Variants in TNS3 observed in about 807,000 individuals in gnomAD.
TNS3 encodes tensin-3.
A neutral mutation model predicts 140.9 loss-of-function variants in TNS3; 45 were observed. That is an observed-to-expected ratio of 0.32 (90% CI 0.25 to 0.41). The LOEUF is 0.41. TNS3 is among the 10% of genes least tolerant of loss of function. TNS3 has a pLI of 1.00. For synonymous variants in TNS3, 815 were observed against 788.4 expected (o/e 1.03, Z -0.56); for missense variants, 1,716 against 1,906.7 (o/e 0.90, Z 1.86).
chr7:47,349,335 A>T (rs755530798), intron 17 of TNS3, among the ~76,000 whole-genome samples: 1 of 152,258 alleles, frequency 6.6e-6, no homozygotes, highest in South Asian at 2.1e-4. Context: ...GTGTGGCACC[A>T]TGTCTGGTTA....
At chr7:47,348,068 T>G (rs1374628717) in intron 17 of TNS3, among the ~76,000 whole-genome samples, 4 of 152,230 alleles carry the variant, frequency 2.6e-5, no homozygotes, top group African/African-American at 9.6e-5. Context: ...CTCACTCCAG[T>G]GCTCTTCAAC....
At chr7:47,570,683 T>C (rs1363961060) in intron 1 of TNS3, among the ~76,000 whole-genome samples, 1 of 152,226 alleles carries the variant, frequency 6.6e-6, no homozygotes, top group Non-Finnish European at 1.5e-5. Flanking sequence ...CATAGTGAAG[T>C]GTGCCCAGTG....
At chr7:47,392,025 G>A (rs770951639) in intron 16 of TNS3, among the ~76,000 whole-genome samples, 4 of 152,196 alleles carry the variant, frequency 2.6e-5, no homozygotes, top group Non-Finnish European at 5.9e-5. Flanking sequence ...ATTTCTCTTT[G>A]GATCTGCTCT....
At chr7:47,410,427 T>C (rs1793703183) in intron 13 of TNS3, among the ~76,000 whole-genome samples, 1 of 152,240 alleles carries the variant, frequency 6.6e-6, no homozygotes. Flanking sequence ...GGCCCAGCTG[T>C]TGTTCCAGAC....
chr7:47,293,054 G>C, intron 25 of TNS3, 149 bp from the exon 26 acceptor site: 1 of 627,736 alleles, frequency 1.6e-6, no homozygotes, highest in Non-Finnish European at 2.8e-6. Flanking sequence ...GCAGCTTTGT[G>C]TAAAACTTCA....
At chr7:47,483,345 A>G (rs954063974) in intron 3 of TNS3, among the ~76,000 whole-genome samples, 14 of 151,798 alleles carry the variant, frequency 9.2e-5, no homozygotes, top group Admixed American at 2.0e-4. Flanking sequence ...AATTTTTTGT[A>G]TTTTTAGTAG....
chr7:47,424,770 T>C (rs867824971), intron 9 of TNS3, among the ~76,000 whole-genome samples: 1 of 152,174 alleles, frequency 6.6e-6, no homozygotes, highest in Non-Finnish European at 1.5e-5. Context: ...TGTAGGGCAC[T>C]GGGGTTGGAA....
At chr7:47,296,210 T>C (rs1012480636) in intron 24 of TNS3, among the ~76,000 whole-genome samples, 2 of 151,338 alleles carry the variant, frequency 1.3e-5, no homozygotes, top group African/African-American at 2.4e-5. Context: ...CCACCAACAA[T>C]AGAATGGATC....
At chr7:47,319,471 C>T (rs927296883) in intron 20 of TNS3, among the ~76,000 whole-genome samples, 7 of 152,078 alleles carry the variant, frequency 4.6e-5, no homozygotes, top group Non-Finnish European at 8.8e-5. Context: ...AATCAGTTCT[C>T]GTGTGAACTA....
intron 3 of TNS3, among the ~76,000 whole-genome samples, chr7:47,491,268 A>G (rs1460497391): frequency 6.6e-6 from 1 of 152,184 alleles, no homozygotes; most frequent in Non-Finnish European, 1.5e-5. Context: ...TAAACCATAT[A>G]TATACTGTTT....
chr7:47,516,936 G>A (rs542930670), intron 2 of TNS3, among the ~76,000 whole-genome samples: 35 of 152,206 alleles, frequency 2.3e-4, no homozygotes, highest in African/African-American at 7.5e-4. Flanking sequence ...GGTGGTGGGC[G>A]CCTGTAATCC....
chr7:47,453,884 G>A (rs2151647189), intron 4 of TNS3, among the ~76,000 whole-genome samples: 1 of 152,364 alleles, frequency 6.6e-6, no homozygotes, highest in South Asian at 2.1e-4. Context: ...TCAGCTGTTA[G>A]ACTCACCCAG....
At chr7:47,575,683 C>G (rs1016667572) in intron 1 of TNS3, among the ~76,000 whole-genome samples, 3 of 151,756 alleles carry the variant, frequency 2.0e-5, no homozygotes, top group African/African-American at 7.3e-5. Context: ...GGCAGCCAGG[C>G]GTAGTGGCAG....
chr7:47,433,254 C>T (rs979744729), intron 8 of TNS3, among the ~76,000 whole-genome samples: 2 of 152,226 alleles, frequency 1.3e-5, no homozygotes, highest in Non-Finnish European at 2.9e-5. Context: ...AGCGATTTCA[C>T]CCCCGCAGTG....
intron 4 of TNS3, among the ~76,000 whole-genome samples, chr7:47,478,640 A>T (rs1248248621): frequency 6.6e-6 from 1 of 152,156 alleles, no homozygotes; most frequent in Non-Finnish European, 1.5e-5. Context: ...ACAAACCTTC[A>T]TATAAACAAT....
intron 1 of TNS3, among the ~76,000 whole-genome samples, chr7:47,530,838 A>ATATATATATATATATAT (rs1554350246): frequency 3.0e-3 from 166 of 54,504 alleles, no homozygotes; most frequent in South Asian, 4.4e-3. Context: ...AAAAAAAAAA[A>ATATATATATATATATAT]ATATATATAT....
intron 2 of TNS3, among the ~76,000 whole-genome samples, chr7:47,521,224 T>A (rs1798965248): frequency 6.6e-6 from 1 of 152,038 alleles, no homozygotes; most frequent in Non-Finnish European, 1.5e-5. Context: ...TGCCTGTCCC[T>A]CCTCTGTGCT....
At chr7:47,447,363 C>T (rs568230329) in intron 4 of TNS3, among the ~76,000 whole-genome samples, 1 of 152,234 alleles carries the variant, frequency 6.6e-6, no homozygotes, top group African/African-American at 2.4e-5. Context: ...CGAGAGCAGA[C>T]TAAGCGGCAG....
chr7:47,506,388 A>G (rs1046545591), intron 3 of TNS3, among the ~76,000 whole-genome samples: 7 of 152,210 alleles, frequency 4.6e-5, no homozygotes, highest in Non-Finnish European at 1.0e-4. Context: ...CTTTGGTCAT[A>G]GAGGCCATCG....
Sources: allele counts gnomAD v4.1 joint callset (sites outside exome capture counted in the v4.1 genomes callset), GRCh38; gene constraint gnomAD v4.1.1; transcripts MANE v1.5; gene names NCBI Gene and HGNC (gene_info 2026-07-23, HGNC 2026-07-21).